The following PRKG1 variants were observed in gnomAD, a reference collection of about 807,000 sequenced individuals.
PRKG1 encodes cGMP-dependent protein kinase 1.
A neutral mutation model predicts 88.1 loss-of-function variants in PRKG1; 35 were observed. That is an observed-to-expected ratio of 0.40 (90% confidence interval 0.30 to 0.53). PRKG1 has a LOEUF of 0.53. Among genes scored for constraint, PRKG1 ranks in the 20% least tolerant of loss-of-function variants. PRKG1 has a pLI of 0.59. For synonymous variants in PRKG1, 303 were observed against 292.5 expected (o/e 1.04, Z -0.37); for missense variants, 540 against 839.8 (o/e 0.64, Z 4.41).
chr10:51,915,720 G>A (rs571781666), intron 5 of PRKG1, among the ~76,000 whole-genome samples: 1 of 152,190 alleles, frequency 6.6e-6, no homozygotes, highest in East Asian at 1.9e-4. Context: ...TAAGGGACTT[G>A]TATCCATAAT....
At chr10:51,459,725 G>A (rs1240458895) in intron 2 of PRKG1, among the ~76,000 whole-genome samples, 2 of 152,130 alleles carry the variant, frequency 1.3e-5, no homozygotes, top group Non-Finnish European at 2.9e-5. Flanking sequence ...TCTCAAGTAT[G>A]TGTGGAGAAA....
At position 51,847,840 on chromosome 10, in the gene PRKG1, T is replaced by TAAAAAAAAA. The variant is rs766423513; in HGVS notation, c.698+43179_698+43187dup. Among the ~76,000 whole-genome samples the TAAAAAAAAA allele has an allele frequency of 1.7e-4, 6 of 35,216 alleles. 1 individual carries two copies. The highest frequency in any genetic ancestry group is 3.3e-4 in the Non-Finnish European group (6 of 18,436). 23.1% of individuals were successfully genotyped at this position (35,216 alleles called of 152,430 possible). On this transcript the variant is annotated intron_variant, in intron 4 of 17. Transcript: ENST00000373980. ...AACATAGAGAGACTCAAGACTCTGT[T>TAAAAAAAAA]AAAAAAAAAAAAAAAAAAAAAAAAA... is the stretch of plus-strand genomic sequence containing the variant.
At chr10:51,939,469 AAAG>A (rs1358369931) in intron 5 of PRKG1, among the ~76,000 whole-genome samples, 2 of 152,120 alleles carry the variant, frequency 1.3e-5, no homozygotes, top group Non-Finnish European at 2.9e-5. Flanking sequence ...TGAAGGATGT[AAAG>A]AAGTAAAGCA....
At chr10:51,339,011 TG>T (rs1432057198) in intron 2 of PRKG1, among the ~76,000 whole-genome samples, 1 of 152,208 alleles carries the variant, frequency 6.6e-6, no homozygotes, top group African/African-American at 2.4e-5. Flanking sequence ...TCCATTTCAC[TG>T]TCACATGTAA....
At chr10:51,354,342 G>C (rs750186966) in intron 2 of PRKG1, among the ~76,000 whole-genome samples, 3 of 152,038 alleles carry the variant, frequency 2.0e-5, no homozygotes, top group Admixed American at 1.3e-4. Context: ...AAGGATAAAT[G>C]CTTGAGGGGA....
chr10:51,989,126 G>A (rs1408632164), intron 5 of PRKG1, among the ~76,000 whole-genome samples: 7 of 152,074 alleles, frequency 4.6e-5, no homozygotes, highest in African/African-American at 1.7e-4. Flanking sequence ...AGATGCAGAG[G>A]TGAGAGAACG....
intron 1 of PRKG1, among the ~76,000 whole-genome samples, chr10:51,137,287 T>A (rs1845711983): frequency 6.6e-6 from 1 of 152,160 alleles, no homozygotes; most frequent in Non-Finnish European, 1.5e-5. Flanking sequence ...CGTTTAGGTT[T>A]AACAAGATCC....
At chr10:52,275,344 G>T (rs1017556643) in intron 12 of PRKG1, among the ~76,000 whole-genome samples, 4 of 152,144 alleles carry the variant, frequency 2.6e-5, no homozygotes, top group Admixed American at 6.6e-5. Flanking sequence ...AATCCATCTT[G>T]TGTTGATTTT....
chr10:51,431,612 T>A (rs866368831), intron 2 of PRKG1, among the ~76,000 whole-genome samples: 1 of 152,138 alleles, frequency 6.6e-6, no homozygotes, highest in African/African-American at 2.4e-5. Context: ...TTGCTGTTTT[T>A]AATAATTGGA....
At chr10:51,996,280 A>G (rs758764504) in intron 5 of PRKG1, among the ~76,000 whole-genome samples, 33 of 130,960 alleles carry the variant, frequency 2.5e-4, no homozygotes, top group Non-Finnish European at 4.9e-4. Flanking sequence ...GCACCATGGC[A>G]CTCCAGCCTA....
chr10:51,482,898 TAAATCATG>T (rs903598561), intron 3 of PRKG1, among the ~76,000 whole-genome samples: 3 of 152,232 alleles, frequency 2.0e-5, no homozygotes, highest in African/African-American at 4.8e-5. Flanking sequence ...ATGTAATCAA[TAAATCATG>T]AAATCATGAT....
intron 3 of PRKG1, among the ~76,000 whole-genome samples, chr10:51,719,834 A>T (rs1289200903): frequency 6.6e-6 from 1 of 152,202 alleles, no homozygotes; most frequent in Admixed American, 6.5e-5. Flanking sequence ...GAAAACAAAT[A>T]AAAGAGAGGA....
At chr10:51,117,829 T>A (rs1480791961) in intron 1 of PRKG1, among the ~76,000 whole-genome samples, 1 of 152,226 alleles carries the variant, frequency 6.6e-6, no homozygotes, top group Non-Finnish European at 1.5e-5. Flanking sequence ...GTGGCTGAGC[T>A]TTTAAGTTGT....
intron 1 of PRKG1, among the ~76,000 whole-genome samples, chr10:51,142,639 TACTTTAATCTCTCATATGA>T (rs1290161264): frequency 1.3e-5 from 2 of 152,148 alleles, no homozygotes; most frequent in Admixed American, 6.6e-5. Context: ...ACCTGAGTCC[TACTTTAATCTCTCATATGA>T]ACTTGGCAGG....
At chr10:51,970,790 AT>A (rs569242907) in intron 5 of PRKG1, among the ~76,000 whole-genome samples, 149 of 146,276 alleles carry the variant, frequency 1.0e-3, no homozygotes, top group African/African-American at 1.6e-3. Context: ...GATATATCAG[AT>A]TATATATATA....
At chr10:51,199,965 C>T (rs376406079) in intron 2 of PRKG1, among the ~76,000 whole-genome samples, 76 of 152,232 alleles carry the variant, frequency 5.0e-4, no homozygotes, top group African/African-American at 1.8e-3. Flanking sequence ...GGATTCTCTA[C>T]GTGTTATTTA....
At chr10:51,095,096 C>T (rs1157451115) in intron 1 of PRKG1, among the ~76,000 whole-genome samples, 2 of 152,014 alleles carry the variant, frequency 1.3e-5, no homozygotes, top group Admixed American at 6.6e-5. Flanking sequence ...AAAATGTACC[C>T]CCTTCATTAT....
At chr10:52,124,092 G>A (rs1456692435) in intron 7 of PRKG1, among the ~76,000 whole-genome samples, 1 of 152,176 alleles carries the variant, frequency 6.6e-6, no homozygotes, top group Non-Finnish European at 1.5e-5. Flanking sequence ...TGGACACACT[G>A]GACAAAGGGA....
At chr10:52,003,534 C>T (rs572509124) in intron 5 of PRKG1, among the ~76,000 whole-genome samples, 1 of 152,272 alleles carries the variant, frequency 6.6e-6, no homozygotes, top group South Asian at 2.1e-4. Flanking sequence ...TTTCTTGCCC[C>T]TCCCAACAGT....
Sources: allele counts gnomAD v4.1 joint callset (sites outside exome capture counted in the v4.1 genomes callset), GRCh38; gene constraint gnomAD v4.1.1; transcripts MANE v1.5; gene names NCBI Gene and HGNC (gene_info 2026-07-23, HGNC 2026-07-21).